The following ZNF510 variants were observed in gnomAD, a reference collection of about 807,000 sequenced individuals.
ZNF510 encodes zinc finger protein 510.
ZNF510 carries 15 observed loss-of-function variants against 18.1 expected under a neutral mutation model. The observed-to-expected ratio is 0.83, with a 90% CI of 0.55 to 1.28. The LOEUF is 1.28. Among genes scored for constraint, ZNF510 ranks in the 50% most tolerant of loss-of-function variants. The pLI is 0.00. For missense variants in ZNF510, 724 were observed against 791.8 expected, an observed-to-expected ratio of 0.91 and a Z score of 1.03; for synonymous variants, 261 against 266.4, an observed-to-expected ratio of 0.98 and a Z score of 0.20.
intron 3 of ZNF510, among the ~76,000 whole-genome samples, chr9:96,769,073 G>A (rs1345041975): frequency 6.6e-6 from 1 of 152,100 alleles, no homozygotes; most frequent in Non-Finnish European, 1.5e-5. Flanking sequence ...TTCAACAGAT[G>A]ATGCTGGGAT....
rs1295443260 is a variant in ZNF510, at chr9:96,759,458, T to C, written c.1372A>G (p.Lys458Glu). ...STHQRIHTAE[K>E]PYKCNECGKT... The stretch of plus-strand genomic sequence containing the variant: ...CCACATTCATTACATTTATAGGGTT[T>C]TTCTGCTGTATGAATTCTCTGATGA... Residue 458 changes from lysine to glutamate, a missense_variant, in exon 6 of 6, where the codon AAA becomes GAA. Coordinates refer to ENST00000223428, the MANE Select transcript of ZNF510 (RefSeq NM_014930.3). 4.3e-6 allele frequency: 7 copies of C among 1,614,040 alleles called. No individual in the cohort carries two copies. The Admixed American group carries it at 1.2e-4, about 27-fold the overall frequency.
intron 3 of ZNF510, among the ~76,000 whole-genome samples, chr9:96,770,671 G>A (rs1326561656): frequency 6.6e-6 from 1 of 151,878 alleles, no homozygotes; most frequent in Non-Finnish European, 1.5e-5. Context: ...TCACTTATTA[G>A]AAATGTCCAG....
In ZNF510 at chr9:96,759,970, A is replaced by C; in HGVS notation, c.860T>G (p.Phe287Cys). ...TGETSSKDDEFRKNCDKKTLF... is the reference protein window; with the variant it reads ...TGETSSKDDECRKNCDKKTLF... ...AGTTTTCTTATCACAATTTTTCCTA[A>C]ATTCATCATCTTTAGAGGATGTTTC... is the stretch of plus-strand genomic sequence containing the variant. The change falls in exon 6 of 6, where the codon TTT becomes TGT. Residue 287 changes from phenylalanine (F) to cysteine (C), a missense_variant. Coordinates refer to ENST00000223428, the MANE Select transcript of ZNF510 (RefSeq NM_014930.3). 1.9e-6 allele frequency: 3 copies of C among 1,612,916 alleles called. No individual in the cohort carries two copies. Among genetic ancestry groups the C allele is most frequent in the South Asian group, 1.1e-5 (1 of 91,044 alleles).
chr9:96,759,938 CAA>C lies in ZNF510; in HGVS notation c.890_891del (p.Phe297Ter), dbSNP rs566370710. 7 of 1,613,294 alleles carry C rather than the reference CAA, an allele frequency of 4.3e-6. No individual in the cohort carries two copies. In the South Asian group the frequency reaches 5.5e-5, roughly 13 times the overall value. On this transcript the variant is annotated frameshift_variant, in exon 6 of 6. Coordinates refer to ENST00000223428, the MANE Select transcript of ZNF510 (RefSeq NM_014930.3). LOFTEE classifies it low-confidence loss of function (END_TRUNC). ...FRKNCDKKTL[F>X]DHRRTGTGKK... ...TTCCCTGTGCCAGTTCTCCTGTGGT[CAA>C]AGAGAGTTTTCTTATCACAATTTTT...
At chr9:96,770,547 G>A (rs112768077) in intron 3 of ZNF510, among the ~76,000 whole-genome samples, 2,824 of 151,930 alleles carry the variant, frequency 0.019, 80 homozygotes, top group African/African-American at 0.063. Context: ...ATGTTGCAGT[G>A]AACTGAGATC....
Position 96,757,714 on chromosome 9 carries a change from A to T in ZNF510, c.*1064T>A, listed in dbSNP as rs182814906. ...CTATATTTTTTTCCTACATATACAC[A>T]TGCCTATGATAGTTTAATCTCTTGC... On this transcript the variant is annotated 3_prime_UTR_variant, in exon 6 of 6. Coordinates refer to ENST00000223428, the MANE Select transcript of ZNF510 (RefSeq NM_014930.3). 6.6e-6 allele frequency: 1 copy of T among 152,286 alleles called. No individual in the cohort carries two copies. Among genetic ancestry groups the T allele is most frequent in the African/African-American group, 2.4e-5 (1 of 41,574 alleles). 9.4% of individuals were successfully genotyped at this position (152,286 alleles called of 1,614,324 possible).
At chr9:96,770,572 C>A (rs992201182) in intron 3 of ZNF510, among the ~76,000 whole-genome samples, 1 of 151,386 alleles carries the variant, frequency 6.6e-6, no homozygotes, top group South Asian at 2.1e-4. Context: ...CATTGCAATC[C>A]AGCCTGAGCG....
At chr9:96,772,608 T>G (rs1455616642) in intron 3 of ZNF510, among the ~76,000 whole-genome samples, 1 of 152,186 alleles carries the variant, frequency 6.6e-6, no homozygotes, top group African/African-American at 2.4e-5. Flanking sequence ...GATGTCTAAA[T>G]GTCCAAAACA....
chr9:96,776,141 T>C lies in ZNF510; in HGVS notation c.-72A>G, dbSNP rs1313173481. On this transcript the variant is annotated 5_prime_UTR_variant, in exon 2 of 6. Coordinates refer to ENST00000223428, the MANE Select transcript of ZNF510 (RefSeq NM_014930.3). ...GGTTGGGCAAATCAAGACCTGCTCC[T>C]TTCTGGGTTCTTCTGCATCTGTTTG... 27 of 1,543,540 alleles carry C rather than the reference T, an allele frequency of 1.7e-5. No individual in the cohort carries two copies. The highest frequency in any genetic ancestry group is 2.2e-5 in the Non-Finnish European group (25 of 1,142,642).
intron 5 of ZNF510, among the ~76,000 whole-genome samples, chr9:96,760,720 C>CCTAA (rs1394252391): frequency 2.0e-5 from 3 of 150,060 alleles, no homozygotes; most frequent in African/African-American, 7.6e-5. Flanking sequence ...GTAAGATTTT[C>CCTAA]CTAACTGGAT....
In ZNF510 at chr9:96,760,471, T is replaced by A. The variant is rs1185796195; in HGVS notation, c.359A>T (p.Tyr120Phe). The change falls in exon 6 of 6, where the codon TAC becomes TTC. Residue 120 changes from tyrosine (Y) to phenylalanine (F), a missense_variant. By Grantham distance (22) the Tyr-to-Phe change is conservative (BLOSUM62 3). Coordinates refer to ENST00000223428, the MANE Select transcript of ZNF510 (RefSeq NM_014930.3). ...EFSNQSHPKD[Y>F]RGDDLIKQNK... ...CTGCTTGATCAGGTCATCACCTCTG[T>A]AATCTTCTAAAACAGAAATATTGAA... 4 of 1,591,044 alleles carry A rather than the reference T, an allele frequency of 2.5e-6. No individual in the cohort carries two copies. The African/African-American group carries it at 5.4e-5, about 22-fold the overall frequency.
rs762929857 is a variant in ZNF510 at position 96,758,843 on chromosome 9, T to C, written c.1987A>G (p.Lys663Glu). ...EKSYECNEYG[K>E]LCKKSTLSLY... is the part of the protein sequence containing the mutation. Reference sequence around the variant, plus strand: ...CTTAGGGTAGACTTCTTACATAATTTCCCATATTCATTGCATTCATAAGAT... The same window carrying C: ...CTTAGGGTAGACTTCTTACATAATTCCCCATATTCATTGCATTCATAAGAT... Residue 663 changes from lysine (K) to glutamate (E), a missense_variant, in exon 6 of 6, where the codon AAA becomes GAA. Lys to Glu is a moderately conservative substitution (Grantham distance 56). Transcript: ENST00000223428. 1.2e-5 allele frequency: 20 copies of C among 1,613,064 alleles called. No individual in the cohort carries two copies. Among genetic ancestry groups the C allele is most frequent in the Non-Finnish European group, 1.7e-5 (20 of 1,179,452 alleles).
Position 96,774,820 on chromosome 9 carries a change from A to G in ZNF510, c.97T>C (p.Phe33Leu). ...ATGTTCATTTTCTGCTGCTCCTGAA[A>G]GAGTGTGGAGAACCGTAAAGGATAA... ...GGYPLRFSTL[F>L]QEQQKMNISQ... is the part of the protein sequence containing the mutation. Residue 33 changes from phenylalanine to leucine, a missense_variant, in exon 3 of 6, where the codon TTT becomes CTT. Phe to Leu is a conservative substitution (Grantham distance 22, BLOSUM62 0). Transcript: ENST00000223428. 1.2e-6 allele frequency: 2 copies of G among 1,614,066 alleles called. No individual in the cohort carries two copies.
Position 96,776,138 on chromosome 9 carries a change from T to C in ZNF510, c.-69A>G. On this transcript the variant is annotated 5_prime_UTR_variant, in exon 2 of 6. Transcript: ENST00000223428. ...GCTGGTTGGGCAAATCAAGACCTGC[T>C]CCTTTCTGGGTTCTTCTGCATCTGT... is the stretch of plus-strand genomic sequence containing the variant. 6.5e-7 allele frequency: 1 copy of C among 1,547,810 alleles called. No individual in the cohort carries two copies. The highest frequency in any genetic ancestry group is 8.7e-7 in the Non-Finnish European group (1 of 1,144,942).
At chr9:96,763,711 T>C (rs111828674) in intron 3 of ZNF510, 79 bp from the exon 4 acceptor site, 61 of 1,385,022 alleles carry the variant, frequency 4.4e-5, no homozygotes, top group Middle Eastern at 3.8e-4. Flanking sequence ...ACAATTCTTA[T>C]CAGGTTTAAC....
At chr9:96,767,321 CTG>C (rs1849495712) in intron 3 of ZNF510, among the ~76,000 whole-genome samples, 2 of 151,910 alleles carry the variant, frequency 1.3e-5, no homozygotes, top group African/African-American at 4.8e-5. Flanking sequence ...GAGCGAGACT[CTG>C]TCTCAAAAAA....
At chr9:96,769,943 G>A (rs1458544018) in intron 3 of ZNF510, among the ~76,000 whole-genome samples, 2 of 152,220 alleles carry the variant, frequency 1.3e-5, no homozygotes, top group African/African-American at 4.8e-5. Flanking sequence ...TGTGGAGAAA[G>A]TGGAACCCTA....
chr9:96,774,690 T>G, intron 3 of ZNF510, 98 bp downstream of exon 3: 8 of 1,118,436 alleles, frequency 7.2e-6, no homozygotes, highest in Non-Finnish European at 1.1e-5. Context: ...ATATATTCCT[T>G]GAATGATTTT....
intron 3 of ZNF510, among the ~76,000 whole-genome samples, chr9:96,771,871 G>C (rs1197272423): frequency 6.6e-6 from 1 of 152,072 alleles, no homozygotes; most frequent in East Asian, 1.9e-4. Context: ...TATCAAAATA[G>C]ATCAAATACC....
Sources: allele counts gnomAD v4.1 joint callset (sites outside exome capture counted in the v4.1 genomes callset), GRCh38; gene constraint gnomAD v4.1.1; transcripts MANE v1.5; gene names NCBI Gene and HGNC (gene_info 2026-07-23, HGNC 2026-07-21).